Variants in SUN1 observed in about 807,000 individuals in gnomAD.
SUN1 encodes the protein Sad1 and UNC84 domain containing 1.
In SUN1, 61 loss-of-function variants were observed where a neutral mutation model predicts 103.2. The ratio of observed to expected loss-of-function variants is 0.59; its 90% CI spans 0.48 to 0.73. SUN1 has a LOEUF of 0.73. Ranked by LOEUF, SUN1 falls within the 30% of genes least tolerant of loss-of-function variation. The pLI is 0.00. For missense variants in SUN1, 1,052 were observed against 1,034.6 expected, an observed-to-expected ratio of 1.02 and a Z score of -0.23; for synonymous variants, 490 against 425.7, an observed-to-expected ratio of 1.15 and a Z score of -1.86.
chr7:841,416 T>C (rs900266371), intron 2 of SUN1, among the ~76,000 whole-genome samples: 1 of 151,528 alleles, frequency 6.6e-6, no homozygotes, highest in Admixed American at 6.6e-5. Context: ...GCTAATTTTT[T>C]GTATTTTAGT....
At chr7:853,146 G>C in intron 9 of SUN1, 194 bp downstream of exon 9, 1 of 783,690 alleles carries the variant, frequency 1.3e-6, no homozygotes, top group Non-Finnish European at 2.0e-6. Flanking sequence ...GTACTCTCAT[G>C]ATTCAGTTAG....
intron 11 of SUN1, among the ~76,000 whole-genome samples, chr7:856,054 T>A (rs2128423714): frequency 6.6e-6 from 1 of 152,246 alleles, no homozygotes; most frequent in South Asian, 2.1e-4. Context: ...GTCCTTCACG[T>A]TTAGAACACA....
In SUN1 at chr7:861,391, C is replaced by T; in HGVS notation, c.1791C>T (p.Ala597=). The T allele has an allele frequency of 3.7e-6, 6 of 1,614,208 alleles. No homozygotes were observed. The South Asian group carries it at 6.6e-5, about 18-fold the overall frequency. ...ASGITEAQAR[A]IVNSALKLYS... is the part of the protein sequence containing the mutation. ...TCGTGTCTGTCCAGCAAGCACGTGCCATCGTGAACAGCGCCTTGAAGCTGT... is the reference window on the plus strand; with the variant it reads ...TCGTGTCTGTCCAGCAAGCACGTGCTATCGTGAACAGCGCCTTGAAGCTGT... The change falls in exon 15 of 19, where the codon GCC becomes GCT. Residue 597 remains alanine, a synonymous_variant. Coordinates refer to ENST00000401592, the MANE Select transcript of SUN1 (RefSeq NM_001130965.3).
At chr7:864,226 CA>C (rs1296789182) in intron 15 of SUN1, among the ~76,000 whole-genome samples, 7 of 151,932 alleles carry the variant, frequency 4.6e-5, no homozygotes, top group Non-Finnish European at 7.4e-5. Flanking sequence ...CTTTGAGTTA[CA>C]AACAAAAATA....
intron 1 of SUN1, among the ~76,000 whole-genome samples, chr7:820,626 C>A (rs1785029477): frequency 6.6e-6 from 1 of 152,088 alleles, no homozygotes; most frequent in Non-Finnish European, 1.5e-5. Context: ...AAGTGGCCGC[C>A]CTTGTCTTGT....
At chr7:872,216 C>G (rs1249597350) in intron 17 of SUN1, among the ~76,000 whole-genome samples, 1 of 152,160 alleles carries the variant, frequency 6.6e-6, no homozygotes, top group Non-Finnish European at 1.5e-5. Flanking sequence ...CTGTTTTGGC[C>G]TCAGTTTTCC....
At chr7:851,828 A>ACTT (rs1339850967) in intron 6 of SUN1, 122 bp from the exon 7 acceptor site, 1 of 1,020,882 alleles carries the variant, frequency 9.8e-7, no homozygotes, top group African/African-American at 1.6e-5. Flanking sequence ...GCATCACCGA[A>ACTT]CTTCTTCACC....
At chr7:832,403 C>CTGAGT, upstream of SUN1, 1 of 953,072 alleles carries the variant, frequency 1.0e-6, no homozygotes, top group Non-Finnish European at 1.7e-6. Flanking sequence ...TGAGGGTGAC[C>CTGAGT]TGAGTTGAGT....
chr7:870,254 T>C (rs1037865277), intron 17 of SUN1, among the ~76,000 whole-genome samples: 11 of 151,122 alleles, frequency 7.3e-5, no homozygotes, highest in African/African-American at 2.7e-4. Context: ...TTTATGAAGC[T>C]TTAAAATTTT....
chr7:832,110 A>G, upstream of SUN1: 2 of 1,018,964 alleles, frequency 2.0e-6, no homozygotes, highest in Non-Finnish European at 2.4e-6. Flanking sequence ...AGGTAGTTCT[A>G]TTTTAGTTAG....
At position 843,433 on chromosome 7, in the gene SUN1, C is replaced by T. The variant is rs1336377623; in HGVS notation, c.571C>T (p.Leu191=). The change falls in exon 5 of 19, where the codon CTG becomes TTG. Residue 191 remains leucine, a synonymous_variant. Transcript: ENST00000401592. ...CTTCTCCTGCAGCAACTGCAGCATG[C>T]TGTCCGAGCGCAAGGACGTGCTCAC... ...NGFSCSNCSM[L]SERKDVLTAH... 1 of 1,614,112 alleles carries T rather than the reference C, an allele frequency of 6.2e-7. No individual in the cohort carries two copies. Among genetic ancestry groups the T allele is most frequent in the Non-Finnish European group, 8.5e-7 (1 of 1,179,994 alleles).
rs571043257 is a variant in SUN1, at chr7:874,870, G to A, written c.*1539G>A. On this transcript the variant is annotated 3_prime_UTR_variant, in exon 19 of 19. Coordinates refer to ENST00000401592, the MANE Select transcript of SUN1 (RefSeq NM_001130965.3). The stretch of plus-strand genomic sequence containing the variant: ...CCAAATTGATAAGATGCTATTAAGA[G>A]GTTTAAATAAAGAGTTTTAATTTTT... The A allele has an allele frequency of 1.3e-5, 2 of 152,332 alleles. No homozygotes were observed. Among genetic ancestry groups the A allele is most frequent in the African/African-American group, 4.8e-5 (2 of 41,578 alleles). The allele number at this position is 152,332 out of a possible 1,614,324, so 9.4% of individuals were successfully genotyped here. A position where few individuals can be genotyped will look rare whatever the true frequency, so the allele number is the denominator to read the frequency against.
intron 5 of SUN1, among the ~76,000 whole-genome samples, chr7:847,061 G>A (rs996845631): frequency 1.3e-5 from 2 of 152,240 alleles, no homozygotes; most frequent in Non-Finnish European, 2.9e-5. Flanking sequence ...TGGTGCTCCA[G>A]TGTCCCATTC....
At chr7:824,759 A>T (rs1039475003) in intron 1 of SUN1, among the ~76,000 whole-genome samples, 2 of 152,192 alleles carry the variant, frequency 1.3e-5, no homozygotes, top group Non-Finnish European at 2.9e-5. Context: ...ATCATTTCCA[A>T]AACAAGTGAA....
In SUN1 at chr7:827,403, A is replaced by G. The variant is rs1793234418; in HGVS notation, c.-74+10730A>G. 4.0e-5 allele frequency among the ~76,000 whole-genome samples: 6 copies of G among 151,700 alleles called. No individual in the cohort carries two copies. In the South Asian group the frequency reaches 1.2e-3, roughly 32 times the overall value. On this transcript the variant is annotated intron_variant, in intron 1 of 17. Transcript: ENST00000389574. ...ATGTTCTCTGGATTATTACTAGATT[A>G]GTACAGATATTCTGAATAGTAGACT... is the stretch of plus-strand genomic sequence containing the variant.
upstream of SUN1, chr7:831,133 CAGTT>C (rs375490731): frequency 3.9e-3 from 2,123 of 547,036 alleles, 15 homozygotes; most frequent in South Asian, 0.021. Context: ...TAAGTGATCA[CAGTT>C]AGTTTTATTT....
At chr7:828,742 C>T (rs1353597050), upstream of SUN1, among the ~76,000 whole-genome samples, 3 of 152,302 alleles carry the variant, frequency 2.0e-5, no homozygotes, top group Admixed American at 6.5e-5. Flanking sequence ...CATCCCTGGC[C>T]GCTGTCTCCT....
At chr7:869,001 G>A (rs947693708) in intron 16 of SUN1, 1 of 353,316 alleles carries the variant, frequency 2.8e-6, no homozygotes, top group African/African-American at 2.1e-5. Context: ...GGACAGTGCT[G>A]GTTCCCTGTG....
intron 2 of SUN1, among the ~76,000 whole-genome samples, chr7:840,220 G>C (rs1807937221): frequency 6.6e-6 from 1 of 152,228 alleles, no homozygotes; most frequent in African/African-American, 2.4e-5. Context: ...CATCTAGGGA[G>C]TTCACTGCGC....
Sources: gnomAD v4.1 joint callset for allele counts (sites outside exome capture counted in the v4.1 genomes callset) on GRCh38, gnomAD v4.1.1 for gene constraint, MANE v1.5 for transcripts, NCBI Gene and HGNC (gene_info 2026-07-23, HGNC 2026-07-21) for gene names.